The following CSF2RA variants were observed in gnomAD, a reference collection of about 807,000 sequenced individuals.
CSF2RA encodes the protein granulocyte-macrophage colony-stimulating factor receptor subunit alpha.
A neutral mutation model predicts 51.6 loss-of-function variants in CSF2RA; 42 were observed. The ratio of observed to expected loss-of-function variants is 0.81; its 90% confidence interval spans 0.64 to 1.05. The LOEUF (loss-of-function observed/expected upper bound fraction) is 1.05. Among genes scored for constraint, CSF2RA ranks in the 50% least tolerant of loss-of-function variants. The pLI, the probability that CSF2RA is intolerant of heterozygous loss-of-function variation, is 0.00. For synonymous variants in CSF2RA, 222 were observed against 193.0 expected (o/e 1.15, Z -1.24); for missense variants, 530 against 501.1 (o/e 1.06, Z -0.55).
chrX:1,300,336 C>A, intron 9 of CSF2RA, 155 bp from the exon 10 acceptor site: 1 of 901,564 alleles, frequency 1.1e-6, no homozygotes, highest in East Asian at 2.5e-5. Context: ...TTCGAAGACC[C>A]GATCAGACCA....
intron 8 of CSF2RA, 152 bp downstream of exon 8, chrX:1,294,613 G>GGAA: frequency 9.7e-7 from 1 of 1,026,122 alleles, no homozygotes; most frequent in South Asian, 1.5e-5. Flanking sequence ...GGGTAGCGGA[G>GGAA]GAAGAGGTGA....
At chrX:1,316,620 G>A in the CSF2RA span, among the ~76,000 whole-genome samples, 3 of 152,340 alleles carry the variant, frequency 2.0e-5, no homozygotes, top group South Asian at 6.2e-4. Context: ...GAAGAGCCAT[G>A]GAGACTCACG....
downstream of CSF2RA, among the ~76,000 whole-genome samples, chrX:1,315,002 C>T (rs1242528113): frequency 2.3e-5 from 3 of 130,002 alleles, 1 homozygote; most frequent in Admixed American, 1.5e-4. Flanking sequence ...CCTGCCCAAC[C>T]CCACTGCACC....
chrX:1,299,350 G>A (rs28472712), intron 9 of CSF2RA, among the ~76,000 whole-genome samples: 12,978 of 152,168 alleles, frequency 0.085, 759 homozygotes, highest in Non-Finnish European at 0.13. Context: ...TAGACTTGGG[G>A]ATCTTAATAT....
rs1173781473 is a variant in CSF2RA at position 1,290,190 on chromosome X, TG to T, written c.474-144del. 3.9e-4 allele frequency: 261 copies of T among 669,708 alleles called. 5 individuals are homozygous for T. In the South Asian group the frequency reaches 3.9e-3, roughly 10 times the overall value. The allele number at this position is 669,708 out of a possible 1,614,324, so 41.5% of individuals were successfully genotyped here. On this transcript the variant is annotated intron_variant, in intron 6 of 12. Coordinates refer to ENST00000381529, the MANE Select transcript of CSF2RA (RefSeq NM_172245.4). ...TTTTGTTTTGTGTTTTGTGTTTTTG[TG>T]GGTTTTTTTTGTTTTGTGTTTTTGT...
intron 2 of CSF2RA, among the ~76,000 whole-genome samples, chrX:1,280,488 A>AAAG (rs1556502304): frequency 0.015 from 1,806 of 120,864 alleles, 129 homozygotes; most frequent in Middle Eastern, 0.02. Context: ...AAAAAAAAAA[A>AAAG]AAGAAGAAGA....
At chrX:1,321,482 T>A in the CSF2RA span, among the ~76,000 whole-genome samples, 1 of 138,768 alleles carries the variant, frequency 7.2e-6, no homozygotes, top group Non-Finnish European at 1.5e-5. Flanking sequence ...AATAAATAAA[T>A]AAATAAAATA....
At position 1,304,020 on chromosome X, in the gene CSF2RA, G is replaced by A. The variant is rs142796603; in HGVS notation, c.1043+1G>A. The A allele has an allele frequency of 3.7e-6, 6 of 1,611,762 alleles. No homozygotes were observed. The African/African-American group carries it at 8.1e-5, about 22-fold the overall frequency. On this transcript the variant is annotated splice_donor_variant, in intron 11 of 12. Transcript: ENST00000381529. LOFTEE classifies it high-confidence loss of function. ...TCGTCCTCGGCTTCCTCTTTAAAAG[G>A]TAACCTGTGAAACACCTGGGCCTCC...
chrX:1,300,603 C>A lies in CSF2RA; in HGVS notation c.923C>A (p.Ser308Tyr). 1 of 1,613,870 alleles carries A rather than the reference C, an allele frequency of 6.2e-7. No homozygotes were observed. The highest frequency in any genetic ancestry group is 8.5e-7 in the Non-Finnish European group (1 of 1,179,846). Residue 308 changes from serine to tyrosine, a missense_variant, in exon 10 of 13, where the codon TCC (serine) becomes TAC (tyrosine). Coordinates refer to ENST00000381529, the MANE Select transcript of CSF2RA (RefSeq NM_172245.4). ...GACGTCCGCATCTTGAATTGGAGCT[C>A]CTGGAGTGAAGCCATTGAATTTGGT... is the stretch of plus-strand genomic sequence containing the variant. ...AADVRILNWS[S>Y]WSEAIEFGSD...
At chrX:1,305,555 C>G (rs182864548) in intron 12 of CSF2RA, 28 bp downstream of exon 12, 2 of 1,613,830 alleles carry the variant, frequency 1.2e-6, no homozygotes, top group Non-Finnish European at 1.7e-6. Context: ...GAGCAGTGAC[C>G]TGGGATGGAA....
In CSF2RA at chrX:1,285,796, C is replaced by T. The variant is rs1569497733; in HGVS notation, c.95C>T (p.Pro32Leu). Residue 32 changes from proline to leucine, a missense_variant, in exon 4 of 13, where the codon CCA (proline) becomes CTA (leucine). By Grantham distance (98) the Pro-to-Leu change is moderately conservative. Transcript: ENST00000381529. ...CTTGCAGATCTGCGAACAGTGGCAC[C>T]AGCCTCTAGTCTCAATGTGAGGTTT... ...PEKSDLRTVA[P>L]ASSLNVRFDS... 1 of 1,613,074 alleles carries T rather than the reference C, an allele frequency of 6.2e-7. No individual in the cohort carries two copies.
intron 9 of CSF2RA, among the ~76,000 whole-genome samples, chrX:1,297,104 C>G (rs866006585): frequency 2.4e-3 from 160 of 67,356 alleles, no homozygotes; most frequent in Non-Finnish European, 3.3e-3. Context: ...CCTACAGTCC[C>G]CTACTCACGA....
the CSF2RA span, among the ~76,000 whole-genome samples, chrX:1,318,170 CT>C: frequency 2.8e-4 from 35 of 127,138 alleles, no homozygotes; most frequent in South Asian, 2.5e-4. Context: ...TTTTTTTTAA[CT>C]TTTTTTTTTG....
intron 10 of CSF2RA, 112 bp from the exon 11 acceptor site, chrX:1,303,811 C>G: frequency 1.0e-6 from 1 of 969,918 alleles, no homozygotes; most frequent in Non-Finnish European, 1.7e-6. Context: ...GCCCAGTTCT[C>G]AGCTTGACTG....
chrX:1,293,281 G>C (rs28574703), intron 7 of CSF2RA, among the ~76,000 whole-genome samples: 72,633 of 151,528 alleles, frequency 0.48, 17,725 homozygotes, highest in African/African-American at 0.57. Context: ...GGCAGTGGCG[G>C]GATCTCGGCT....
At chrX:1,316,113 A>C in the CSF2RA span, among the ~76,000 whole-genome samples, 2,917 of 145,084 alleles carry the variant, frequency 0.02, 93 homozygotes, top group African/African-American at 0.069. Context: ...ACATAGATAC[A>C]TAGATACATA....
chrX:1,302,256 G>C (rs1408982905), intron 10 of CSF2RA, among the ~76,000 whole-genome samples: 1 of 152,108 alleles, frequency 6.6e-6, no homozygotes, highest in Admixed American at 6.6e-5. Context: ...CTGCCCAGGA[G>C]ACAGGTCTAT....
At chrX:1,316,918 T>C in the CSF2RA span, among the ~76,000 whole-genome samples, 1 of 152,212 alleles carries the variant, frequency 6.6e-6, no homozygotes, top group Non-Finnish European at 1.5e-5. Flanking sequence ...ACTAGATAGA[T>C]TACTAAGAAA....
At chrX:1,284,635 G>C (rs1369796406) in intron 3 of CSF2RA, among the ~76,000 whole-genome samples, 1 of 127,278 alleles carries the variant, frequency 7.9e-6, no homozygotes, top group East Asian at 2.2e-4. Context: ...ACGAGATCTT[G>C]CTATGTTGCC....
Sources: gnomAD v4.1 joint callset for allele counts (sites outside exome capture counted in the v4.1 genomes callset) on GRCh38, gnomAD v4.1.1 for gene constraint, MANE v1.5 for transcripts, NCBI Gene and HGNC (gene_info 2026-07-23, HGNC 2026-07-21) for gene names.